Variants in GNA12 observed in about 807,000 individuals in gnomAD.
The protein encoded by GNA12 is guanine nucleotide-binding protein subunit alpha-12.
A neutral mutation model predicts 26.0 loss-of-function variants in GNA12; 9 were observed. That is an observed-to-expected ratio of 0.35 (90% CI 0.21 to 0.60). The LOEUF (loss-of-function observed/expected upper bound fraction) is 0.60, where lower values mean the gene tolerates loss of function less well. Ranked by LOEUF, GNA12 falls within the 20% of genes least tolerant of loss-of-function variation. The pLI is 0.78. For synonymous variants in GNA12, 264 were observed against 219.6 expected (o/e 1.20, Z -1.79); for missense variants, 405 against 525.8 (o/e 0.77, Z 2.25).
At chr7:2,783,602 C>T (rs1384920735) in intron 2 of GNA12, among the ~76,000 whole-genome samples, 1 of 152,040 alleles carries the variant, frequency 6.6e-6, no homozygotes, top group African/African-American at 2.4e-5. Flanking sequence ...TGTAAGGTTT[C>T]GCCTGGTGGT....
intron 2 of GNA12, among the ~76,000 whole-genome samples, chr7:2,736,569 T>C (rs1289289406): frequency 1.3e-5 from 2 of 152,134 alleles, no homozygotes; most frequent in African/African-American, 4.8e-5. Context: ...CAGGTTGATA[T>C]GGGGCCTGTG....
intron 1 of GNA12, among the ~76,000 whole-genome samples, chr7:2,835,286 C>T (rs1778806077): frequency 1.3e-5 from 2 of 152,180 alleles, no homozygotes; most frequent in Admixed American, 1.3e-4. Context: ...ACTTCGGGAA[C>T]ACCAAATACA....
intron 2 of GNA12, among the ~76,000 whole-genome samples, chr7:2,756,460 T>A (rs956026547): frequency 1.3e-5 from 2 of 151,752 alleles, no homozygotes; most frequent in Non-Finnish European, 2.9e-5. Context: ...AAAAAATTTT[T>A]AAAAATTAGT....
At chr7:2,737,569 G>A (rs1012803446) in intron 2 of GNA12, among the ~76,000 whole-genome samples, 5 of 152,242 alleles carry the variant, frequency 3.3e-5, no homozygotes, top group South Asian at 2.1e-4. Context: ...GATTACAGGC[G>A]TGAGCCACAG....
chr7:2,762,836 G>A (rs1416873901), intron 2 of GNA12: 1 of 1,494,930 alleles, frequency 6.7e-7, no homozygotes, highest in Admixed American at 2.3e-5. Flanking sequence ...CACCCAGTCA[G>A]CGCGGCTCCG....
rs947926099 is a variant in GNA12, at chr7:2,784,518, G to A, written c.525+10410C>T. ...ACTTTATGTTTTGACACAAACTGTG[G>A]AACTTCCTCACTGTATACTCCTACC... On this transcript the variant is annotated intron_variant, in intron 2 of 3. Coordinates refer to ENST00000275364, the MANE Select transcript of GNA12 (RefSeq NM_007353.3). Among the ~76,000 whole-genome samples the A allele has an allele frequency of 3.3e-5, 5 of 152,292 alleles. No individual in the cohort carries two copies. In the East Asian group the frequency reaches 9.6e-4, roughly 29 times the overall value.
chr7:2,768,673 AAAAC>A (rs1404584207), intron 2 of GNA12, among the ~76,000 whole-genome samples: 2 of 122,918 alleles, frequency 1.6e-5, no homozygotes, highest in East Asian at 4.4e-4. Flanking sequence ...AGGTAAAAAA[AAAAC>A]AAAACAAAAC....
chr7:2,790,833 G>C (rs1397486072), intron 2 of GNA12, among the ~76,000 whole-genome samples: 3 of 152,162 alleles, frequency 2.0e-5, no homozygotes, highest in Non-Finnish European at 4.4e-5. Flanking sequence ...AATTAGCCAG[G>C]TGTGGTGGCA....
intron 2 of GNA12, among the ~76,000 whole-genome samples, chr7:2,736,777 C>T (rs990075188): frequency 6.6e-6 from 1 of 152,228 alleles, no homozygotes; most frequent in Non-Finnish European, 1.5e-5. Flanking sequence ...CCGTCAGCAC[C>T]GTCAGGCAGG....
chr7:2,784,191 C>T (rs1792303466), intron 2 of GNA12, among the ~76,000 whole-genome samples: 1 of 152,186 alleles, frequency 6.6e-6, no homozygotes, highest in Admixed American at 6.5e-5. Context: ...GATCATGGCT[C>T]ACTGCAGCCT....
intron 2 of GNA12, among the ~76,000 whole-genome samples, chr7:2,754,042 G>C (rs1791170189): frequency 1.3e-5 from 2 of 152,184 alleles, no homozygotes; most frequent in African/African-American, 4.8e-5. Context: ...GTTACTCTCT[G>C]CCAAACTCTT....
intron 1 of GNA12, among the ~76,000 whole-genome samples, chr7:2,841,828 T>C (rs1227995458): frequency 6.6e-6 from 1 of 152,046 alleles, no homozygotes; most frequent in African/African-American, 2.4e-5. Context: ...CTACGGGGCT[T>C]TGCTAAATTT....
At chr7:2,813,362 G>A (rs537632758) in intron 1 of GNA12, among the ~76,000 whole-genome samples, 1 of 152,180 alleles carries the variant, frequency 6.6e-6, no homozygotes, top group Admixed American at 6.5e-5. Context: ...CATGCCCATA[G>A]TACCAATTTC....
chr7:2,804,513 A>G (rs1051198548), intron 1 of GNA12, among the ~76,000 whole-genome samples: 1 of 152,170 alleles, frequency 6.6e-6, no homozygotes, highest in African/African-American at 2.4e-5. Context: ...CACCACTTCA[A>G]AGCCAATAGG....
intron 2 of GNA12, chr7:2,763,081 TTGAG>T (rs982017175): frequency 2.0e-5 from 25 of 1,249,242 alleles, no homozygotes; most frequent in Non-Finnish European, 2.5e-5. Flanking sequence ...CCTACCAGCC[TTGAG>T]TGAGAGACCA....
intron 2 of GNA12, chr7:2,762,721 G>T: frequency 6.4e-7 from 1 of 1,561,396 alleles, no homozygotes; most frequent in South Asian, 1.2e-5. Flanking sequence ...GAGGGAAGCA[G>T]GCCCCATGTC....
At chr7:2,812,677 AC>A (rs1479659561) in intron 1 of GNA12, among the ~76,000 whole-genome samples, 10 of 150,952 alleles carry the variant, frequency 6.6e-5, no homozygotes, top group Non-Finnish European at 1.0e-4. Flanking sequence ...ACATCACATC[AC>A]ATCACATCAC....
chr7:2,780,400 G>A (rs1341765647), intron 2 of GNA12, among the ~76,000 whole-genome samples: 1 of 151,852 alleles, frequency 6.6e-6, no homozygotes, highest in Non-Finnish European at 1.5e-5. Context: ...TAACAATATA[G>A]GAAAAATGCA....
intron 2 of GNA12, chr7:2,762,921 G>A (rs908455616): frequency 2.8e-5 from 39 of 1,409,948 alleles, no homozygotes; most frequent in African/African-American, 4.4e-5. Flanking sequence ...GGCCACAGGC[G>A]GGGACGCCCC....
Sources: gnomAD v4.1 joint callset for allele counts (sites outside exome capture counted in the v4.1 genomes callset) on GRCh38, gnomAD v4.1.1 for gene constraint, MANE v1.5 for transcripts, NCBI Gene and HGNC (gene_info 2026-07-23, HGNC 2026-07-21) for gene names.